The following SH2D3C variants were observed in gnomAD, a reference collection of about 807,000 sequenced individuals.
SH2D3C encodes the protein SH2 domain-containing protein 3C.
In SH2D3C, 25 loss-of-function variants were observed where a neutral mutation model predicts 75.2. That is an observed-to-expected ratio of 0.33 (90% CI 0.24 to 0.46). The LOEUF (loss-of-function observed/expected upper bound fraction) is 0.46, where lower values mean the gene tolerates loss of function less well. Ranked by LOEUF, SH2D3C falls within the 20% of genes least tolerant of loss-of-function variation. The pLI is 1.00. For missense variants in SH2D3C, 933 were observed against 1,165.3 expected (o/e 0.80, Z 2.90); for synonymous variants, 450 against 473.7 (o/e 0.95, Z 0.65).
chr9:127,757,595 C>T (rs573081595), intron 3 of SH2D3C, among the ~76,000 whole-genome samples: 39 of 147,906 alleles, frequency 2.6e-4, no homozygotes, highest in African/African-American at 9.7e-4. Context: ...CATGCACCAC[C>T]ATACCCAGAT....
At chr9:127,742,996 C>T (rs756677326) in intron 7 of SH2D3C, 32 bp from the exon 8 acceptor site, 2 of 1,538,378 alleles carry the variant, frequency 1.3e-6, no homozygotes, top group Non-Finnish European at 1.8e-6. Context: ...TGATTAATAT[C>T]CTGTCAGGGC....
At chr9:127,758,894 T>C (rs1470877024) in intron 3 of SH2D3C, among the ~76,000 whole-genome samples, 3 of 152,248 alleles carry the variant, frequency 2.0e-5, no homozygotes, top group African/African-American at 7.2e-5. Context: ...GGCAGCAATC[T>C]GAGGACTTCC....
intron 2 of SH2D3C, chr9:127,762,190 C>A (rs971611780): frequency 2.4e-5 from 29 of 1,184,836 alleles, no homozygotes; most frequent in Non-Finnish European, 3.0e-5. Context: ...GAGCCACTGC[C>A]GGTGCTAGAG....
chr9:127,769,699 A>C (rs1249966914), intron 2 of SH2D3C, among the ~76,000 whole-genome samples: 1 of 151,880 alleles, frequency 6.6e-6, no homozygotes, highest in Non-Finnish European at 1.5e-5. Flanking sequence ...CAAAAGAAAA[A>C]CTTTGAGATT....
intron 1 of SH2D3C, among the ~76,000 whole-genome samples, chr9:127,777,123 A>G (rs1588529943): frequency 6.6e-6 from 1 of 151,594 alleles, no homozygotes; most frequent in South Asian, 2.1e-4. Context: ...CATCTGGGAA[A>G]TGCAGTCATA....
chr9:127,752,631 C>T (rs533787029), intron 3 of SH2D3C, among the ~76,000 whole-genome samples: 3 of 152,318 alleles, frequency 2.0e-5, no homozygotes, highest in East Asian at 3.9e-4. Context: ...CACCCCTCTG[C>T]TCCCATACTG....
Position 127,751,360 on chromosome 9 carries a change from C to G in SH2D3C, c.556-60G>C. On this transcript the variant is annotated intron_variant, in intron 3 of 11. Transcript: ENST00000314830. The surrounding 1 kb of genome is among the most constrained non-coding windows in gnomAD (Gnocchi z 4.1). ...TAAAGTCTCCTTCTTCTTTCCCTCCCAACTTCATTCTACCATGGATGAACT... is the reference window on the plus strand; with the variant it reads ...TAAAGTCTCCTTCTTCTTTCCCTCCGAACTTCATTCTACCATGGATGAACT... 1 of 1,540,124 alleles carries G rather than the reference C, an allele frequency of 6.5e-7. No homozygotes were observed. The highest frequency in any genetic ancestry group is 8.9e-7 in the Non-Finnish European group (1 of 1,119,944).
chr9:127,763,086 G>C (rs1845568143), intron 2 of SH2D3C, among the ~76,000 whole-genome samples: 1 of 152,136 alleles, frequency 6.6e-6, no homozygotes, highest in African/African-American at 2.4e-5. Context: ...CCGGCCACAG[G>C]GCCTTCGCAC....
At position 127,776,307 on chromosome 9, in the gene SH2D3C, G is replaced by C. The variant is rs148209288; in HGVS notation, c.38-1840C>G. 1.4e-3 allele frequency among the ~76,000 whole-genome samples: 209 copies of C among 152,002 alleles called. 2 individuals carry two copies. In the East Asian group the frequency reaches 0.022, roughly 16 times the overall value. ...CCGCTGGTAGGTGGAGCAGGTGTGC[G>C]TGTTTTGTGCTCATGTAGGGGGTTG... On this transcript the variant is annotated intron_variant, in intron 1 of 11. Coordinates refer to ENST00000314830, the MANE Select transcript of SH2D3C (RefSeq NM_170600.3).
Position 127,774,796 on chromosome 9 carries a change from C to T in SH2D3C, c.38-329G>A, listed in dbSNP as rs563104997. On this transcript the variant is annotated intron_variant, in intron 1 of 11. Coordinates refer to ENST00000314830, the MANE Select transcript of SH2D3C (RefSeq NM_170600.3). The surrounding 1 kb of genome is among the most constrained non-coding windows in gnomAD (Gnocchi z 4.3). Reference sequence around the variant, plus strand: ...ACCCACTAGGGCAATGTGAGAATTACAGAAAAGCTTAGGCCAGGCGTGGTG... The same window carrying T: ...ACCCACTAGGGCAATGTGAGAATTATAGAAAAGCTTAGGCCAGGCGTGGTG... Among the ~76,000 whole-genome samples the T allele has an allele frequency of 2.1e-4, 32 of 152,178 alleles. No individual in the cohort carries two copies. The highest frequency in any genetic ancestry group is 4.3e-4 in the Non-Finnish European group (29 of 68,032).
In SH2D3C at chr9:127,754,921, G is replaced by GGTGACC; in HGVS notation, c.556-3627_556-3622dup. ...CCTGGGCGCCCAGAGGTGAGGCTGG[G>GGTGACC]GTGACCCCGCCCCCTCCCCGGGTCG... On this transcript the variant is annotated intron_variant, in intron 3 of 11. Coordinates refer to ENST00000314830, the MANE Select transcript of SH2D3C (RefSeq NM_170600.3). This position sits in a 1 kb window ranked among gnomAD's most constrained non-coding sequence, Gnocchi z 4.4. The GGTGACC allele has an allele frequency of 1.9e-6, 1 of 519,124 alleles. No individual in the cohort carries two copies. Among genetic ancestry groups the GGTGACC allele is most frequent in the Non-Finnish European group, 3.8e-6 (1 of 265,834 alleles). 32.2% of individuals were successfully genotyped at this position (519,124 alleles called of 1,614,324 possible).
intron 2 of SH2D3C, among the ~76,000 whole-genome samples, chr9:127,772,080 T>C (rs1400655261): frequency 3.9e-5 from 6 of 152,146 alleles, no homozygotes; most frequent in Non-Finnish European, 2.9e-5. Context: ...CCCCTTTACA[T>C]GGTCCTCCTC....
At chr9:127,777,871 C>G (rs563065588) in intron 1 of SH2D3C, among the ~76,000 whole-genome samples, 29 of 151,316 alleles carry the variant, frequency 1.9e-4, no homozygotes, top group Non-Finnish European at 4.3e-4. Flanking sequence ...GAAACAGAAA[C>G]AAGGCGGGAA....
At chr9:127,743,857 G>A (rs1166834291) in intron 7 of SH2D3C, among the ~76,000 whole-genome samples, 1 of 151,936 alleles carries the variant, frequency 6.6e-6, no homozygotes, top group Non-Finnish European at 1.5e-5. Context: ...AGGAGGTAAT[G>A]ATTTCTGCTT....
chr9:127,767,671 T>C (rs1206554457), intron 2 of SH2D3C, among the ~76,000 whole-genome samples: 1 of 152,174 alleles, frequency 6.6e-6, no homozygotes, highest in Non-Finnish European at 1.5e-5. Context: ...CAGGCCTCAG[T>C]TTCCCCTTCT....
intron 2 of SH2D3C, among the ~76,000 whole-genome samples, chr9:127,763,677 A>G (rs1237936733): frequency 6.6e-6 from 1 of 152,196 alleles, no homozygotes; most frequent in Non-Finnish European, 1.5e-5. Context: ...AGGGGAGTCA[A>G]ATATTGGACC....
At chr9:127,757,393 C>T (rs1263517954) in intron 3 of SH2D3C, among the ~76,000 whole-genome samples, 1 of 151,076 alleles carries the variant, frequency 6.6e-6, no homozygotes, top group Non-Finnish European at 1.5e-5. Context: ...GCCTCAGCCT[C>T]CCGAGTAGCT....
In SH2D3C at chr9:127,739,602, C is replaced by T; in HGVS notation, c.2407+80G>A. The T allele has an allele frequency of 7.6e-7, 1 of 1,315,252 alleles. No homozygotes were observed. 81.5% of individuals were successfully genotyped at this position (1,315,252 alleles called of 1,614,324 possible). The stretch of plus-strand genomic sequence containing the variant: ...GGAGTGGAGAAATGTGAATGGATGC[C>T]TTGGAGAAAAGGGAAGCAGTGAGGC... On this transcript the variant is annotated intron_variant, in intron 11 of 11. Coordinates refer to ENST00000314830, the MANE Select transcript of SH2D3C (RefSeq NM_170600.3). This position sits in a 1 kb window ranked among gnomAD's most constrained non-coding sequence, Gnocchi z 4.3.
In SH2D3C at chr9:127,766,478, T is replaced by C. The variant is rs556557442; in HGVS notation, c.516-4828A>G. 9.2e-5 allele frequency among the ~76,000 whole-genome samples: 14 copies of C among 152,340 alleles called. No individual in the cohort carries two copies. The South Asian group carries it at 2.9e-3, about 32-fold the overall frequency. ...CCTGGCCCATGTGGGGCTCCTCTTG[T>C]TGCTCCAGACTCCACCCATGAAGAT... On this transcript the variant is annotated intron_variant, in intron 2 of 11. Coordinates refer to ENST00000314830, the MANE Select transcript of SH2D3C (RefSeq NM_170600.3).
Sources: gnomAD v4.1 joint callset for allele counts (sites outside exome capture counted in the v4.1 genomes callset) on GRCh38, gnomAD v4.1.1 for gene constraint, Gnocchi (gnomAD v3.1) non-coding constraint, MANE v1.5 for transcripts, NCBI Gene and HGNC (gene_info 2026-07-23, HGNC 2026-07-21) for gene names.